Variants in SCRN3 observed in about 807,000 individuals in gnomAD.
The protein encoded by SCRN3 is secernin-3.
A neutral mutation model predicts 43.1 loss-of-function variants in SCRN3; 39 were observed. That is an observed-to-expected ratio of 0.91 (90% CI 0.70 to 1.18). The LOEUF is 1.18. Among genes scored for constraint, SCRN3 ranks in the 50% most tolerant of loss-of-function variants. The probability of loss-of-function intolerance (pLI) is 0.00; values close to 1 mark genes in which losing one functional copy is unlikely to be tolerated. For missense variants in SCRN3, 484 were observed against 498.0 expected (o/e 0.97, Z 0.27); for synonymous variants, 147 against 163.1 (o/e 0.90, Z 0.75).
chr2:174,400,711 C>T (rs542941715), intron 3 of SCRN3, among the ~76,000 whole-genome samples: 2 of 152,280 alleles, frequency 1.3e-5, no homozygotes, highest in Admixed American at 1.3e-4. Flanking sequence ...CATGGGCTAT[C>T]GTGCTCATTT....
Position 174,405,815 on chromosome 2 carries a change from A to G in SCRN3, c.754+1500A>G, listed in dbSNP as rs1336508368. 2.6e-3 allele frequency among the ~76,000 whole-genome samples: 394 copies of G among 150,632 alleles called. 2 individuals are homozygous for G. Among genetic ancestry groups the G allele is most frequent in the Non-Finnish European group, 4.6e-3 (311 of 67,318 alleles). On this transcript the variant is annotated intron_variant, in intron 5 of 7. Transcript: ENST00000272732. ...GGGCTCTGTTCTGTTCCATTGATCT[A>G]TATCTCTGTTTTGGTACCAGTACCA...
intron 5 of SCRN3, chr2:174,410,089 C>T (rs376201822): frequency 0.01 from 1,549 of 150,088 alleles, 26 homozygotes; most frequent in African/African-American, 0.036. Flanking sequence ...GATCTCAGAC[C>T]GCTGTGCTAG....
chr2:174,406,895 A>C (rs1200015225), intron 5 of SCRN3, among the ~76,000 whole-genome samples: 1 of 128,092 alleles, frequency 7.8e-6, no homozygotes, highest in African/African-American at 2.7e-5. Flanking sequence ...ATCAATGTTC[A>C]TCAAGGATAT....
intron 2 of SCRN3, among the ~76,000 whole-genome samples, chr2:174,399,528 A>G (rs1685432078): frequency 6.6e-6 from 1 of 152,258 alleles, no homozygotes; most frequent in Non-Finnish European, 1.5e-5. Context: ...AAGATATTAC[A>G]GCTAGAGACC....
chr2:174,426,867 CTG>C (rs1686501779), intron 7 of SCRN3, among the ~76,000 whole-genome samples: 1 of 152,034 alleles, frequency 6.6e-6, no homozygotes, highest in Non-Finnish European at 1.5e-5. Context: ...GAGTCTCACT[CTG>C]TCGTCCAGGC....
chr2:174,411,497 A>C (rs1262731240), intron 5 of SCRN3, among the ~76,000 whole-genome samples: 1 of 152,122 alleles, frequency 6.6e-6, no homozygotes, highest in East Asian at 1.9e-4. Context: ...CTCATCTAGT[A>C]ATATTTTGAT....
intron 7 of SCRN3, among the ~76,000 whole-genome samples, chr2:174,426,340 G>T (rs1429151304): frequency 6.6e-6 from 1 of 152,108 alleles, no homozygotes; most frequent in Non-Finnish European, 1.5e-5. Context: ...ACCATTTATA[G>T]ACAAAATCCA....
rs750160899 is a variant in SCRN3 at position 174,395,830 on chromosome 2, C to T, written c.-10+13C>T. The T allele has an allele frequency of 2.8e-5, 42 of 1,515,264 alleles. No homozygotes were observed. The highest frequency in any genetic ancestry group is 9.0e-5 in the South Asian group (7 of 77,612). The allele number at this position is 1,515,264 out of a possible 1,614,324, so 93.9% of individuals were successfully genotyped here. A position where few individuals can be genotyped will look rare whatever the true frequency, so the allele number is the denominator to read the frequency against. ...GCTGGGAGGCCAGGTGAGGGGCGCG[C>T]ACGGGGGAGGGGCGTGCATAGTTGA... On this transcript the variant is annotated intron_variant, in intron 1 of 7. Coordinates refer to ENST00000272732, the MANE Select transcript of SCRN3 (RefSeq NM_024583.5).
chr2:174,410,902 A>C (rs1328539227), intron 5 of SCRN3, among the ~76,000 whole-genome samples: 1 of 152,198 alleles, frequency 6.6e-6, no homozygotes, highest in African/African-American at 2.4e-5. Context: ...GGCCCACACA[A>C]TCCTCCTCAT....
chr2:174,411,490 A>G (rs1351592904), intron 5 of SCRN3, among the ~76,000 whole-genome samples: 2 of 152,086 alleles, frequency 1.3e-5, no homozygotes, highest in Non-Finnish European at 1.5e-5. Context: ...TGTTAATCTC[A>G]TCTAGTAATA....
intron 5 of SCRN3, 27 bp from the exon 6 acceptor site, chr2:174,422,853 GTATTT>G (rs1686339264): frequency 6.9e-7 from 1 of 1,448,914 alleles, no homozygotes; most frequent in Admixed American, 1.7e-5. Flanking sequence ...ATATGCATAT[GTATTT>G]GATGATTTTA....
intron 5 of SCRN3, among the ~76,000 whole-genome samples, chr2:174,416,894 AAG>A (rs1168263461): frequency 1.3e-5 from 2 of 152,232 alleles, no homozygotes; most frequent in African/African-American, 4.8e-5. Flanking sequence ...AGTATAAAAA[AAG>A]GAAAACGTTT....
chr2:174,408,434 A>C (rs1268153127), intron 5 of SCRN3, among the ~76,000 whole-genome samples: 1 of 143,548 alleles, frequency 7.0e-6, no homozygotes, highest in Non-Finnish European at 1.6e-5. Context: ...TGTGTCTTTT[A>C]ATTGGAGAAT....
chr2:174,409,713 C>A (rs1685830379), intron 5 of SCRN3, among the ~76,000 whole-genome samples: 1 of 142,108 alleles, frequency 7.0e-6, no homozygotes, highest in Non-Finnish European at 1.6e-5. Flanking sequence ...TTGGAATACC[C>A]TGCCGTGTGA....
At chr2:174,414,765 C>CTTTTTTTTTTTT (rs553055709) in intron 5 of SCRN3, among the ~76,000 whole-genome samples, 2 of 131,190 alleles carry the variant, frequency 1.5e-5, no homozygotes, top group South Asian at 2.4e-4. Flanking sequence ...TTTCTATTTT[C>CTTTTTTTTTTTT]TTTTTTTTTT....
intron 4 of SCRN3, among the ~76,000 whole-genome samples, chr2:174,402,464 G>C (rs1685539558): frequency 6.6e-6 from 1 of 152,172 alleles, no homozygotes; most frequent in Non-Finnish European, 1.5e-5. Flanking sequence ...GAGGCAGGAG[G>C]ATCACTTCAG....
rs1019255816 is a variant in SCRN3 at position 174,428,584 on chromosome 2, T to A, written c.*689T>A. ...TTGTTTGGGAGATTAGAGAATAAGA[T>A]AAAAGAACCAAAACCTTAGGATATA... On this transcript the variant is annotated 3_prime_UTR_variant, in exon 8 of 8. Transcript: ENST00000272732. The A allele has an allele frequency of 1.3e-5, 2 of 152,096 alleles. No individual in the cohort carries two copies. Among genetic ancestry groups the A allele is most frequent in the Non-Finnish European group, 2.9e-5 (2 of 67,976 alleles). 9.4% of individuals were successfully genotyped at this position (152,096 alleles called of 1,614,324 possible).
In SCRN3 at chr2:174,405,534, T is replaced by C. The variant is rs1268776737; in HGVS notation, c.754+1219T>C. On this transcript the variant is annotated intron_variant, in intron 5 of 7. Coordinates refer to ENST00000272732, the MANE Select transcript of SCRN3 (RefSeq NM_024583.5). ...GTTTTAGACATGAAGTCCTTGCCCA[T>C]GCCTATGTCCTGAATGGTAATGCCT... 5.9e-5 allele frequency among the ~76,000 whole-genome samples: 8 copies of C among 135,176 alleles called. No homozygotes were observed. The South Asian group carries it at 1.2e-3, about 20-fold the overall frequency. 88.7% of individuals were successfully genotyped at this position (135,176 alleles called of 152,430 possible). A position where few individuals can be genotyped will look rare whatever the true frequency, so the allele number is the denominator to read the frequency against.
Position 174,424,460 on chromosome 2 carries a change from G to C in SCRN3, c.918-15G>C. 2 of 1,526,512 alleles carry C rather than the reference G, an allele frequency of 1.3e-6. No individual in the cohort carries two copies. The highest frequency in any genetic ancestry group is 1.4e-5 in the African/African-American group (1 of 72,246). 94.6% of individuals were successfully genotyped at this position (1,526,512 alleles called of 1,614,324 possible). ...TATATTGACATGATAATTTAATAAA[G>C]ACTCTTTTTTCTAGATCTGTTTTTA... is the stretch of plus-strand genomic sequence containing the variant. On this transcript the variant is annotated splice_polypyrimidine_tract_variant and intron_variant, in intron 6 of 7. Transcript: ENST00000272732.
Sources: allele counts gnomAD v4.1 joint callset (sites outside exome capture counted in the v4.1 genomes callset), GRCh38; gene constraint gnomAD v4.1.1; transcripts MANE v1.5; gene names NCBI Gene and HGNC (gene_info 2026-07-23, HGNC 2026-07-21).